The following ZFHX3 variants were observed in gnomAD, a reference collection of about 807,000 sequenced individuals.
ZFHX3 encodes the protein zinc finger homeobox 3.
In ZFHX3, 42 loss-of-function variants were observed where a neutral mutation model predicts 279.1. The ratio of observed to expected loss-of-function variants is 0.15; its 90% CI spans 0.12 to 0.19. The LOEUF (loss-of-function observed/expected upper bound fraction) is 0.19. Ranked by LOEUF, ZFHX3 falls within the 10% of genes least tolerant of loss-of-function variation. The pLI, the probability that ZFHX3 is intolerant of heterozygous loss-of-function variation, is 1.00. For synonymous variants in ZFHX3, 2,293 were observed against 1,957.8 expected (o/e 1.17, Z -4.52); for missense variants, 4,981 against 4,754.0 (o/e 1.05, Z -1.40).
intron 3 of ZFHX3, among the ~76,000 whole-genome samples, chr16:72,949,906 C>CTTTTTTTTTTTTTTTTTTTTT (rs1175388347): frequency 8.6e-6 from 1 of 116,408 alleles, no homozygotes; most frequent in Admixed American, 9.1e-5. Flanking sequence ...CAGGGATTTT[C>CTTTTTTTTTTTTTTTTTTTTT]TTTTCTTTTT....
intron 3 of ZFHX3, among the ~76,000 whole-genome samples, chr16:73,331,724 C>A (rs1239096210): frequency 6.6e-6 from 1 of 152,134 alleles, no homozygotes; most frequent in African/African-American, 2.4e-5. Flanking sequence ...CTGCTACATT[C>A]CCAGGGACCT....
intron 3 of ZFHX3, among the ~76,000 whole-genome samples, chr16:72,932,723 G>C (rs912477901): frequency 6.7e-6 from 1 of 148,840 alleles, no homozygotes; most frequent in East Asian, 2.0e-4. Flanking sequence ...CAAGTTCAAA[G>C]CTAATTAAAA....
chr16:73,204,461 A>C (rs1309663162), intron 5 of ZFHX3, among the ~76,000 whole-genome samples: 3 of 152,206 alleles, frequency 2.0e-5, no homozygotes, highest in Non-Finnish European at 4.4e-5. Flanking sequence ...TCGCAAGTGC[A>C]GTTCACAATA....
chr16:73,129,224 C>T (rs2144816870), intron 7 of ZFHX3, among the ~76,000 whole-genome samples: 1 of 152,172 alleles, frequency 6.6e-6, no homozygotes, highest in Non-Finnish European at 1.5e-5. Context: ...CCCGTCTCTA[C>T]TAAAAATACA....
intron 4 of ZFHX3, among the ~76,000 whole-genome samples, chr16:73,260,744 G>A (rs894205089): frequency 1.5e-5 from 2 of 135,390 alleles, no homozygotes. Context: ...AGGCTGGAGT[G>A]CAGTCTTGGC....
At chr16:73,717,312 T>C (rs995364487) in intron 1 of ZFHX3, among the ~76,000 whole-genome samples, 1 of 152,188 alleles carries the variant, frequency 6.6e-6, no homozygotes, top group Non-Finnish European at 1.5e-5. Flanking sequence ...CCTGAAACTC[T>C]TTTCTCCAAA....
chr16:73,388,958 C>G (rs775001742), intron 3 of ZFHX3: 1 of 152,176 alleles, frequency 6.6e-6, no homozygotes, highest in Non-Finnish European at 1.5e-5. Context: ...ATGGCCACGG[C>G]GTCTTAGAGG....
intron 2 of ZFHX3, among the ~76,000 whole-genome samples, chr16:73,675,913 A>T (rs1398893851): frequency 6.6e-6 from 1 of 152,140 alleles, no homozygotes; most frequent in Non-Finnish European, 1.5e-5. Context: ...CAAAATTACA[A>T]AATTTTGAGG....
intron 3 of ZFHX3, among the ~76,000 whole-genome samples, chr16:73,399,400 G>A (rs985852269): frequency 2.6e-5 from 4 of 152,126 alleles, no homozygotes; most frequent in Admixed American, 6.5e-5. Flanking sequence ...AGGGGACTCC[G>A]GTTTCCTGGA....
intron 3 of ZFHX3, among the ~76,000 whole-genome samples, chr16:72,946,710 C>T (rs1960695906): frequency 1.3e-5 from 2 of 152,180 alleles, no homozygotes; most frequent in South Asian, 4.1e-4. Context: ...TGTACACTAG[C>T]CGTGGGAGAG....
chr16:73,211,772 G>A (rs1160764579), intron 5 of ZFHX3, among the ~76,000 whole-genome samples: 2 of 151,716 alleles, frequency 1.3e-5, no homozygotes, highest in African/African-American at 4.8e-5. Flanking sequence ...TTTTTTGGGG[G>A]CTAGCATGAT....
intron 3 of ZFHX3, among the ~76,000 whole-genome samples, chr16:72,933,773 C>T (rs1014496746): frequency 6.6e-6 from 1 of 150,726 alleles, no homozygotes; most frequent in Non-Finnish European, 1.5e-5. Context: ...GACCCAAACT[C>T]CAGTGTGTTG....
intron 1 of ZFHX3, among the ~76,000 whole-genome samples, chr16:73,056,351 TC>T (rs1382928781): frequency 6.6e-6 from 1 of 152,058 alleles, no homozygotes; most frequent in Non-Finnish European, 1.5e-5. Context: ...TCTTTTATTT[TC>T]CTATCTCTAA....
At chr16:73,004,865 T>G (rs956930951) in intron 1 of ZFHX3, among the ~76,000 whole-genome samples, 12 of 152,246 alleles carry the variant, frequency 7.9e-5, no homozygotes, top group Admixed American at 2.0e-4. Context: ...CTTCTAGCTC[T>G]TTTGTGATTT....
rs1481810233 is a variant in ZFHX3, at chr16:73,237,602, C to A, written c.-1104+19445G>T. On this transcript the variant is annotated intron_variant, in intron 5 of 17. Coordinates refer to the ZFHX3 transcript ENST00000641206. The stretch of plus-strand genomic sequence containing the variant: ...GCTTGAGCTAGTATTGAACTCCTGG[C>A]CTCAAGCTATCTTCCTGCCTCAGCC... Among the ~76,000 whole-genome samples the A allele has an allele frequency of 3.5e-5, 5 of 142,538 alleles. No homozygotes were observed. In the Admixed American group the frequency reaches 3.7e-4, roughly 11 times the overall value. The allele number at this position is 142,538 out of a possible 152,430, so 93.5% of individuals were successfully genotyped here.
At chr16:72,812,739 G>C (rs1212894961) in intron 5 of ZFHX3, among the ~76,000 whole-genome samples, 1 of 152,060 alleles carries the variant, frequency 6.6e-6, no homozygotes, top group Non-Finnish European at 1.5e-5. Context: ...TTTCCTATCT[G>C]CTTGCCCAAA....
At chr16:72,984,695 T>C (rs1962769113) in intron 1 of ZFHX3, among the ~76,000 whole-genome samples, 1 of 151,710 alleles carries the variant, frequency 6.6e-6, no homozygotes, top group Non-Finnish European at 1.5e-5. Flanking sequence ...TAGGTCAATG[T>C]CCCTTAGGTT....
chr16:73,640,932 T>C (rs1338890311), intron 2 of ZFHX3, among the ~76,000 whole-genome samples: 1 of 152,100 alleles, frequency 6.6e-6, no homozygotes, highest in Admixed American at 6.6e-5. Flanking sequence ...TAGAGAGGCT[T>C]CTAGATGTTT....
At chr16:72,968,971 C>A (rs905910671) in intron 1 of ZFHX3, among the ~76,000 whole-genome samples, 5 of 151,830 alleles carry the variant, frequency 3.3e-5, no homozygotes, top group African/African-American at 1.2e-4. Flanking sequence ...TATATATGTA[C>A]CTACATATAT....
Sources: allele counts gnomAD v4.1 joint callset (sites outside exome capture counted in the v4.1 genomes callset), GRCh38; gene constraint gnomAD v4.1.1; transcripts MANE v1.5; gene names NCBI Gene and HGNC (gene_info 2026-07-23, HGNC 2026-07-21).